Variants in CRADD observed in about 807,000 individuals in gnomAD.
The protein encoded by CRADD is CARD and death domain containing adaptor protein.
Under a neutral mutation model 15.5 loss-of-function variants are expected in CRADD, and 9 were observed. The ratio of observed to expected loss-of-function variants is 0.58; its 90% CI spans 0.35 to 1.01. CRADD has a LOEUF of 1.01. Ranked by LOEUF, CRADD falls within the 50% of genes least tolerant of loss-of-function variation. The pLI is 0.02. For synonymous variants in CRADD, 118 were observed against 107.6 expected, an observed-to-expected ratio of 1.10 and a Z score of -0.60; for missense variants, 227 against 250.3, an observed-to-expected ratio of 0.91 and a Z score of 0.63.
intron 2 of CRADD, among the ~76,000 whole-genome samples, chr12:93,746,538 A>G (rs1394808301): frequency 6.6e-6 from 1 of 152,148 alleles, no homozygotes; most frequent in Non-Finnish European, 1.5e-5. Context: ...TATCATGAAG[A>G]ATTTTTCTTT....
intron 2 of CRADD, among the ~76,000 whole-genome samples, chr12:93,889,858 GC>G (rs1421524468): frequency 1.2e-4 from 18 of 152,248 alleles, no homozygotes; most frequent in Admixed American, 1.2e-3. Flanking sequence ...AGGGCTTGGG[GC>G]TTTGTTTTGG....
intron 2 of CRADD, among the ~76,000 whole-genome samples, chr12:93,793,093 T>A (rs1426306380): frequency 6.6e-6 from 1 of 152,096 alleles, no homozygotes; most frequent in East Asian, 1.9e-4. Flanking sequence ...GCTTAATAAT[T>A]TATAGTGAAA....
chr12:93,846,645 C>T (rs1466146966), intron 2 of CRADD: 1 of 149,330 alleles, frequency 6.7e-6, no homozygotes, highest in Non-Finnish European at 1.5e-5. Context: ...AGCTGAAAAT[C>T]AAAGAGTGAG....
At chr12:93,825,972 A>G (rs956567183) in intron 2 of CRADD, among the ~76,000 whole-genome samples, 35 of 152,250 alleles carry the variant, frequency 2.3e-4, no homozygotes, top group African/African-American at 8.4e-4. Context: ...GTATTTTTGG[A>G]ATTCTGTGCT....
chr12:93,833,178 A>G (rs1287562030), intron 2 of CRADD, among the ~76,000 whole-genome samples: 2 of 152,238 alleles, frequency 1.3e-5, no homozygotes, highest in African/African-American at 4.8e-5. Flanking sequence ...GTAAAAAGAA[A>G]CAAATCATAA....
intron 2 of CRADD, among the ~76,000 whole-genome samples, chr12:93,731,451 A>G (rs1434001110): frequency 6.6e-6 from 1 of 152,254 alleles, no homozygotes; most frequent in Non-Finnish European, 1.5e-5. Context: ...GTGCTCACAC[A>G]TACATTATTT....
intron 2 of CRADD, among the ~76,000 whole-genome samples, chr12:93,839,241 A>G (rs988941224): frequency 6.6e-6 from 1 of 151,722 alleles, no homozygotes; most frequent in Non-Finnish European, 1.5e-5. Context: ...ATTGCTTCCA[A>G]CTCCTTTCTT....
intron 2 of CRADD, among the ~76,000 whole-genome samples, chr12:93,695,199 C>T (rs1041515973): frequency 5.3e-5 from 8 of 152,100 alleles, no homozygotes; most frequent in Admixed American, 4.6e-4. Context: ...AACAAAGGTG[C>T]CAATAAGACA....
chr12:93,854,751 G>A (rs572359309), downstream of CRADD, among the ~76,000 whole-genome samples: 97 of 152,148 alleles, frequency 6.4e-4, no homozygotes, highest in Non-Finnish European at 6.3e-4. Flanking sequence ...CTCACTACCT[G>A]CTCAGCCACA....
intron 2 of CRADD, among the ~76,000 whole-genome samples, chr12:93,701,046 T>C (rs1005533176): frequency 2.1e-5 from 3 of 140,528 alleles, no homozygotes; most frequent in South Asian, 2.1e-4. Flanking sequence ...ATAAAAGATG[T>C]TGTTTTTTTC....
chr12:93,687,041 C>T (rs972846185), intron 2 of CRADD, among the ~76,000 whole-genome samples: 4 of 151,756 alleles, frequency 2.6e-5, no homozygotes, highest in African/African-American at 7.3e-5. Flanking sequence ...AAATGATGAT[C>T]GTTCAGTACT....
intron 2 of CRADD, among the ~76,000 whole-genome samples, chr12:93,863,193 T>A (rs968455174): frequency 6.6e-6 from 1 of 152,154 alleles, no homozygotes; most frequent in Non-Finnish European, 1.5e-5. Context: ...GTGGGCATTG[T>A]CTCTGGTCGT....
intron 2 of CRADD, among the ~76,000 whole-genome samples, chr12:93,681,168 G>A (rs1275521929): frequency 6.6e-6 from 1 of 152,224 alleles, no homozygotes; most frequent in African/African-American, 2.4e-5. Flanking sequence ...ACAGGCGTGA[G>A]CCACCATGCT....
At chr12:93,790,912 G>GACACACACACACACACACACACAC (rs58305551) in intron 2 of CRADD, among the ~76,000 whole-genome samples, 30 of 144,856 alleles carry the variant, frequency 2.1e-4, no homozygotes, top group African/African-American at 6.5e-4. Context: ...CCATATACAT[G>GACACACACACACACACACACACAC]ACACACACAC....
chr12:93,762,729 T>G (rs1244621595), intron 2 of CRADD, among the ~76,000 whole-genome samples: 2 of 152,192 alleles, frequency 1.3e-5, no homozygotes, highest in Non-Finnish European at 2.9e-5. Context: ...ATGACTCCTT[T>G]CCTACAAACC....
intron 2 of CRADD, among the ~76,000 whole-genome samples, chr12:93,722,767 G>T (rs1226248278): frequency 1.3e-5 from 2 of 152,082 alleles, no homozygotes; most frequent in African/African-American, 4.8e-5. Flanking sequence ...ATTAACCATA[G>T]TTGTTTTAAA....
chr12:93,770,460 C>CA (rs1957075741), intron 2 of CRADD, among the ~76,000 whole-genome samples: 3 of 152,152 alleles, frequency 2.0e-5, no homozygotes, highest in Admixed American at 6.5e-5. Flanking sequence ...CTACAATCCA[C>CA]ATGGAATTAA....
chr12:93,835,068 C>T (rs749942086), intron 2 of CRADD, among the ~76,000 whole-genome samples: 2 of 152,220 alleles, frequency 1.3e-5, no homozygotes, highest in Non-Finnish European at 2.9e-5. Flanking sequence ...CTGGCCCCCC[C>T]ATTGGTATGC....
At chr12:93,812,655 T>C (rs1470363339) in intron 2 of CRADD, among the ~76,000 whole-genome samples, 2 of 152,236 alleles carry the variant, frequency 1.3e-5, no homozygotes, top group Non-Finnish European at 2.9e-5. Flanking sequence ...TAAATGAGAA[T>C]TAGCTACCCT....
Sources: gnomAD v4.1 joint callset for allele counts (sites outside exome capture counted in the v4.1 genomes callset) on GRCh38, gnomAD v4.1.1 for gene constraint, MANE v1.5 for transcripts, NCBI Gene and HGNC (gene_info 2026-07-23, HGNC 2026-07-21) for gene names.